Variants in YJU2 observed in about 807,000 individuals in gnomAD.
YJU2 encodes YJU2 splicing factor homolog, also known as splicing factor YJU2.
A neutral mutation model predicts 39.6 loss-of-function variants in YJU2; 28 were observed. That is an observed-to-expected ratio of 0.71 (90% CI 0.52 to 0.97). The LOEUF (loss-of-function observed/expected upper bound fraction) is 0.97. Ranked by LOEUF, YJU2 falls within the 50% of genes least tolerant of loss-of-function variation. The probability of loss-of-function intolerance (pLI) is 0.00; values close to 1 mark genes in which losing one functional copy is unlikely to be tolerated. For synonymous variants in YJU2, 184 were observed against 182.4 expected (o/e 1.01, Z -0.07); for missense variants, 328 against 430.4 (o/e 0.76, Z 2.11).
chr19:4,262,823 G>A (rs913565660), intron 6 of YJU2, among the ~76,000 whole-genome samples: 2 of 152,008 alleles, frequency 1.3e-5, no homozygotes, highest in Non-Finnish European at 2.9e-5. Context: ...CAGGAGGACC[G>A]CTTGAGCCCA....
chr19:4,252,421 AC>A (rs1221451609), intron 3 of YJU2, among the ~76,000 whole-genome samples: 2 of 144,234 alleles, frequency 1.4e-5, no homozygotes, highest in Non-Finnish European at 3.0e-5. Context: ...ACACAGTGAA[AC>A]CCCGTCTCTA....
At chr19:4,249,079 A>G (rs1353128811) in intron 1 of YJU2, 149 bp from the exon 2 acceptor site, 2 of 607,802 alleles carry the variant, frequency 3.3e-6, no homozygotes, top group East Asian at 5.6e-5. Flanking sequence ...CTCTGACTGT[A>G]CTGAGTCCTG....
At chr19:4,258,157 G>A (rs922964044) in intron 4 of YJU2, 85 bp from the exon 5 acceptor site, 7 of 1,502,634 alleles carry the variant, frequency 4.7e-6, no homozygotes, top group Non-Finnish European at 5.4e-6. Context: ...TCCTCCCGTG[G>A]CCCGCAGTGG....
chr19:4,266,094 C>T (rs1002430493), intron 6 of YJU2, among the ~76,000 whole-genome samples: 4 of 152,050 alleles, frequency 2.6e-5, no homozygotes, highest in Admixed American at 6.6e-5. Flanking sequence ...GCTGGGATTA[C>T]AGGCGTGTGC....
chr19:4,262,909 T>G (rs1568363528), intron 6 of YJU2, among the ~76,000 whole-genome samples: 1 of 151,084 alleles, frequency 6.6e-6, no homozygotes, highest in African/African-American at 2.4e-5. Context: ...CTGTCTAAAA[T>G]AAACAAATAA....
At chr19:4,258,544 A>AC (rs1273103185) in intron 5 of YJU2, 121 bp downstream of exon 5, 1 of 1,390,114 alleles carries the variant, frequency 7.2e-7, no homozygotes, top group African/African-American at 1.4e-5. Context: ...CCCCTTTCCC[A>AC]CCGCCCATCT....
chr19:4,255,727 CAAAA>C (rs58736061), intron 4 of YJU2, among the ~76,000 whole-genome samples: 3,374 of 103,684 alleles, frequency 0.033, 127 homozygotes, highest in African/African-American at 0.081. Context: ...GATTCTGTGT[CAAAA>C]AAAAAAAAAA....
Position 4,268,650 on chromosome 19 carries a change from A to C in YJU2, c.926A>C (p.Gln309Pro). 1 of 1,613,958 alleles carries C rather than the reference A, an allele frequency of 6.2e-7. No individual in the cohort carries two copies. The change falls in exon 8 of 8, where the codon CAA (glutamine) becomes CCA (proline). Residue 309 changes from glutamine to proline, a missense_variant. Physicochemically the swap from Gln to Pro is moderately conservative, Grantham distance 76 (BLOSUM62 -1). Coordinates refer to ENST00000262962, the MANE Select transcript of YJU2 (RefSeq NM_018074.6). ...PLTPGASSLS[Q>P]LGAYLDSDDS... ...ACGCCTGGCGCGTCCTCCCTGAGCC[A>C]ACTGGGTGCATACCTGGACAGTGAC...
chr19:4,252,364 T>G (rs960474865), intron 3 of YJU2, among the ~76,000 whole-genome samples: 4 of 151,242 alleles, frequency 2.6e-5, no homozygotes, highest in Non-Finnish European at 5.9e-5. Context: ...TTTGGGAGGC[T>G]GAGGCAGGCG....
intron 1 of YJU2, 173 bp downstream of exon 1, chr19:4,247,343 G>T (rs192748154): frequency 2.7e-5 from 16 of 585,326 alleles, no homozygotes; most frequent in South Asian, 2.3e-4. Flanking sequence ...TTCCGTCGGG[G>T]GGGTGGGCCT....
Position 4,258,355 on chromosome 19 carries a change from G to T in YJU2, c.519G>T (p.Leu173=). The change falls in exon 5 of 8, where the codon CTG becomes CTT. Residue 173 remains leucine (L), a synonymous_variant. Coordinates refer to ENST00000262962, the MANE Select transcript of YJU2 (RefSeq NM_018074.6). ...RQAHVDFEAM[L]RQHRLSEEER... ...CGCACGTGGACTTCGAGGCTATGCT[G>T]AGGCAGCACCGCCTGTCGGAGGAGG... The T allele has an allele frequency of 6.3e-7, 1 of 1,594,974 alleles. No individual in the cohort carries two copies. The highest frequency in any genetic ancestry group is 1.8e-5 in the Admixed American group (1 of 56,598).
chr19:4,268,484 C>T, intron 7 of YJU2, 100 bp from the exon 8 acceptor site: 1 of 773,276 alleles, frequency 1.3e-6, no homozygotes, highest in South Asian at 1.6e-5. Context: ...ATGCTGTCAC[C>T]TCTGGACCTT....
chr19:4,264,071 T>G (rs1467906022), intron 6 of YJU2, among the ~76,000 whole-genome samples: 38 of 151,576 alleles, frequency 2.5e-4, no homozygotes, highest in Admixed American at 1.5e-3. Context: ...GATCATCCTA[T>G]CTAACACGGT....
At chr19:4,248,892 C>A (rs1328000333) in intron 1 of YJU2, among the ~76,000 whole-genome samples, 1 of 152,128 alleles carries the variant, frequency 6.6e-6, no homozygotes, top group Non-Finnish European at 1.5e-5. Context: ...GGACTCCAGC[C>A]TGGGCAACAA....
Position 4,267,643 on chromosome 19 carries a change from A to G in YJU2, c.728A>G (p.Lys243Arg). Residue 243 changes from lysine (K) to arginine (R), a missense_variant, in exon 7 of 8, where the codon AAG becomes AGG. Around this residue, in one of 2 missense-constraint regions of YJU2, gnomAD observed 244 missense variants for 264.6 expected, o/e 0.92. Coordinates refer to ENST00000262962, the MANE Select transcript of YJU2 (RefSeq NM_018074.6). ...CTGCAGGCCCCAAAGCCCAAGAGGA[A>G]GGTGGAGGTCTGGGAGCAGAGCGTT... ...ILDEAPKPKR[K>R]VEVWEQSVGS... is the part of the protein sequence containing the mutation. 1.2e-6 allele frequency: 2 copies of G among 1,613,308 alleles called. No homozygotes were observed. The highest frequency in any genetic ancestry group is 1.1e-5 in the South Asian group (1 of 91,048).
At chr19:4,255,959 A>T (rs1971016229) in intron 4 of YJU2, among the ~76,000 whole-genome samples, 6 of 151,874 alleles carry the variant, frequency 4.0e-5, no homozygotes, top group Admixed American at 3.9e-4. Flanking sequence ...GTGAGCCAAG[A>T]TCGCGCCATT....
At position 4,251,184 on chromosome 19, in the gene YJU2, G is replaced by A. The variant is rs1391853273; in HGVS notation, c.270+13G>A. On this transcript the variant is annotated intron_variant, in intron 3 of 7. Transcript: ENST00000262962. ...GATCACCTTCAAGGTAGGTGAGACG[G>A]CCGGCCAGGCCGGTCCCTCTCCCCC... 6.2e-7 allele frequency: 1 copy of A among 1,610,294 alleles called. No individual in the cohort carries two copies. Among genetic ancestry groups the A allele is most frequent in the Non-Finnish European group, 8.5e-7 (1 of 1,178,186 alleles).
At chr19:4,260,029 C>T (rs1019486803) in intron 5 of YJU2, among the ~76,000 whole-genome samples, 5 of 151,998 alleles carry the variant, frequency 3.3e-5, no homozygotes, top group Non-Finnish European at 7.4e-5. Context: ...GGCATGAGCC[C>T]CACCAAGGTT....
rs1971127335 is a variant in YJU2 at position 4,267,720 on chromosome 19, G to A, written c.805G>A (p.Ala269Thr). The change falls in exon 7 of 8, where the codon GCA becomes ACA. Residue 269 changes from alanine to threonine, a missense_variant. Physicochemically the swap from Ala to Thr is moderately conservative, Grantham distance 58. This residue lies in a region of YJU2 where 244 missense variants were observed against 264.6 expected (regional missense o/e 0.92). Transcript: ENST00000262962. ...GTCGAGGCTGGTCGTGGTGAAGAAG[G>A]CAAAGGCCGACCCGGACTGCAGCAA... Reference protein sequence around the residue: ...PLSRLVVVKKAKADPDCSNGQ... With the variant: ...PLSRLVVVKKTKADPDCSNGQ... 6.2e-7 allele frequency: 1 copy of A among 1,613,228 alleles called. No homozygotes were observed. The highest frequency in any genetic ancestry group is 8.5e-7 in the Non-Finnish European group (1 of 1,179,884).
Sources: allele counts gnomAD v4.1 joint callset (sites outside exome capture counted in the v4.1 genomes callset), GRCh38; gene constraint gnomAD v4.1.1; regional missense constraint gnomAD v4.1.1; transcripts MANE v1.5; gene names NCBI Gene and HGNC (gene_info 2026-07-23, HGNC 2026-07-21).